PPP1R12B: variants seen among roughly 807,000 people sequenced by gnomAD.
The protein encoded by PPP1R12B is myosin phosphatase target subunit 2.
Under a neutral mutation model 126.1 loss-of-function variants are expected in PPP1R12B, and 76 were observed. That is an observed-to-expected ratio of 0.60 (90% CI 0.50 to 0.73). The LOEUF (loss-of-function observed/expected upper bound fraction) is 0.73, where lower values mean the gene tolerates loss of function less well. PPP1R12B is among the 30% of genes least tolerant of loss of function. PPP1R12B has a pLI of 0.00. For synonymous variants in PPP1R12B, 356 were observed against 434.7 expected, an observed-to-expected ratio of 0.82 and a Z score of 2.25; for missense variants, 1,052 against 1,205.1, an observed-to-expected ratio of 0.87 and a Z score of 1.88.
chr1:202,386,758 G>A (rs1305462056), intron 1 of PPP1R12B, among the ~76,000 whole-genome samples: 1 of 150,806 alleles, frequency 6.6e-6, no homozygotes, highest in Non-Finnish European at 1.5e-5. Context: ...TTTTTCTCCC[G>A]TGGGTAGTAT....
At chr1:202,523,317 A>C (rs1437100948) in intron 18 of PPP1R12B, among the ~76,000 whole-genome samples, 2 of 152,242 alleles carry the variant, frequency 1.3e-5, no homozygotes, top group East Asian at 3.8e-4. Context: ...AATTTGGAAA[A>C]AAAACTAGAA....
At chr1:202,459,292 A>T (rs1674017252) in intron 13 of PPP1R12B, among the ~76,000 whole-genome samples, 1 of 152,146 alleles carries the variant, frequency 6.6e-6, no homozygotes, top group South Asian at 2.1e-4. Flanking sequence ...ATAAAGGATT[A>T]CTGTTATTAT....
At chr1:202,464,828 C>T (rs1674775877) in intron 13 of PPP1R12B, among the ~76,000 whole-genome samples, 1 of 152,126 alleles carries the variant, frequency 6.6e-6, no homozygotes, top group Non-Finnish European at 1.5e-5. Context: ...CCCAAGTGCT[C>T]TCATGATCCA....
At chr1:202,411,979 C>T (rs1667455428) in intron 1 of PPP1R12B, among the ~76,000 whole-genome samples, 1 of 152,196 alleles carries the variant, frequency 6.6e-6, no homozygotes, top group Non-Finnish European at 1.5e-5. Flanking sequence ...CTGTTTTAAA[C>T]AACATACCAT....
intron 18 of PPP1R12B, among the ~76,000 whole-genome samples, chr1:202,526,672 A>G (rs1164998805): frequency 1.3e-5 from 2 of 152,222 alleles, no homozygotes; most frequent in African/African-American, 2.4e-5. Context: ...GAGGTTGAAC[A>G]ATGAACAATA....
chr1:202,576,801 C>T (rs1689133502), intron 23 of PPP1R12B: 1 of 147,172 alleles, frequency 6.8e-6, no homozygotes. Flanking sequence ...CTCATTTATT[C>T]CCCAAAACAA....
chr1:202,510,399 A>T (rs1046964607), intron 18 of PPP1R12B, among the ~76,000 whole-genome samples: 1 of 152,174 alleles, frequency 6.6e-6, no homozygotes, highest in Non-Finnish European at 1.5e-5. Flanking sequence ...AGCGGGTGGA[A>T]GTCCTGGAAA....
At chr1:202,474,687 G>A (rs1461146825) in intron 13 of PPP1R12B, among the ~76,000 whole-genome samples, 6 of 152,142 alleles carry the variant, frequency 3.9e-5, no homozygotes, top group East Asian at 1.9e-4. Flanking sequence ...TTGGATTCTC[G>A]GGACTTCTAG....
At chr1:202,467,212 GTC>G (rs905609166) in intron 13 of PPP1R12B, among the ~76,000 whole-genome samples, 1 of 150,302 alleles carries the variant, frequency 6.7e-6, no homozygotes, top group African/African-American at 2.4e-5. Flanking sequence ...TTTGTAGGAT[GTC>G]TCTCTCTTTT....
At chr1:202,466,125 C>G (rs1471416382) in intron 13 of PPP1R12B, among the ~76,000 whole-genome samples, 4 of 152,114 alleles carry the variant, frequency 2.6e-5, no homozygotes, top group Non-Finnish European at 5.9e-5. Context: ...CTAGGGTTAC[C>G]ATGTCTCACT....
intron 1 of PPP1R12B, among the ~76,000 whole-genome samples, chr1:202,387,256 T>C (rs1663301709): frequency 6.6e-6 from 1 of 152,210 alleles, no homozygotes; most frequent in African/African-American, 2.4e-5. Context: ...TGTGGCATAT[T>C]AACAAGACTA....
intron 13 of PPP1R12B, among the ~76,000 whole-genome samples, chr1:202,466,930 A>C (rs1262866192): frequency 6.6e-6 from 1 of 152,140 alleles, no homozygotes; most frequent in Non-Finnish European, 1.5e-5. Context: ...TTGGAAATCA[A>C]ACTAGAAGGC....
chr1:202,439,017 G>A (rs1671237152), intron 10 of PPP1R12B: 1 of 1,386,560 alleles, frequency 7.2e-7, no homozygotes, highest in Non-Finnish European at 1.0e-6. Context: ...GAGTGCGGCA[G>A]TGCCCACTAC....
chr1:202,477,909 G>T (rs1676873032), intron 13 of PPP1R12B, among the ~76,000 whole-genome samples: 1 of 152,164 alleles, frequency 6.6e-6, no homozygotes. Flanking sequence ...GAGGACTTTG[G>T]CATCTGAATT....
At chr1:202,536,448 A>G (rs1411451574) in intron 18 of PPP1R12B, among the ~76,000 whole-genome samples, 3 of 152,234 alleles carry the variant, frequency 2.0e-5, no homozygotes, top group Non-Finnish European at 4.4e-5. Context: ...ATACCTGTAT[A>G]GGGCATTTAC....
intron 9 of PPP1R12B, among the ~76,000 whole-genome samples, chr1:202,435,770 G>T (rs1280137415): frequency 6.6e-6 from 1 of 152,242 alleles, no homozygotes; most frequent in Non-Finnish European, 1.5e-5. Context: ...GAATTGGAAA[G>T]ATGGGCTTGT....
intron 1 of PPP1R12B, among the ~76,000 whole-genome samples, chr1:202,358,817 A>G (rs1426165813): frequency 2.0e-5 from 3 of 152,200 alleles, no homozygotes; most frequent in African/African-American, 7.2e-5. Flanking sequence ...TTTTATATTT[A>G]GTATACTTAA....
chr1:202,365,383 A>G (rs997440071), intron 1 of PPP1R12B, among the ~76,000 whole-genome samples: 2 of 152,012 alleles, frequency 1.3e-5, no homozygotes, highest in African/African-American at 4.8e-5. Flanking sequence ...TTGAGCCAAG[A>G]TTACACCACT....
At chr1:202,399,350 A>G (rs1043586040) in intron 1 of PPP1R12B, among the ~76,000 whole-genome samples, 11 of 152,074 alleles carry the variant, frequency 7.2e-5, no homozygotes, top group African/African-American at 2.7e-4. Context: ...CCTCCTATGT[A>G]GCTGGGACCA....
Sources: allele counts gnomAD v4.1 joint callset (sites outside exome capture counted in the v4.1 genomes callset), GRCh38; gene constraint gnomAD v4.1.1; transcripts MANE v1.5; gene names NCBI Gene and HGNC (gene_info 2026-07-23, HGNC 2026-07-21).